The following ADD1 variants were observed in gnomAD, a reference collection of about 807,000 sequenced individuals.
ADD1 encodes adducin 1.
A neutral mutation model predicts 80.5 loss-of-function variants in ADD1; 24 were observed. The ratio of observed to expected loss-of-function variants is 0.30; its 90% CI spans 0.22 to 0.42. The LOEUF (loss-of-function observed/expected upper bound fraction) is 0.42. Ranked by LOEUF, ADD1 falls within the 10% of genes least tolerant of loss-of-function variation. ADD1 has a pLI of 1.00. For synonymous variants in ADD1, 373 were observed against 393.8 expected (o/e 0.95, Z 0.63); for missense variants, 948 against 1,019.0 (o/e 0.93, Z 0.95).
intron 1 of ADD1, among the ~76,000 whole-genome samples, chr4:2,869,392 T>C (rs1455518671): frequency 6.6e-6 from 1 of 152,208 alleles, no homozygotes; most frequent in Non-Finnish European, 1.5e-5. Flanking sequence ...TAGTTCTCCC[T>C]GTGCGTGTCT....
chr4:2,893,877 G>A (rs765704681), intron 4 of ADD1, 136 bp from the exon 5 acceptor site: 18 of 709,878 alleles, frequency 2.5e-5, no homozygotes, highest in African/African-American at 5.3e-5. Flanking sequence ...CCTTGGCTTC[G>A]TGACAGGCAT....
Position 2,928,716 on chromosome 4 carries a change from C to T in ADD1, c.*193C>T. On this transcript the variant is annotated 3_prime_UTR_variant, in exon 16 of 16. Coordinates refer to ENST00000683351, the MANE Select transcript of ADD1 (RefSeq NM_001354761.2). Reference sequence around the variant, plus strand: ...TGCTCAGCAGCCCCACCCCACCCTGCCCCTTGTCCTCTCAGAGCCTCAGCT... The same window carrying T: ...TGCTCAGCAGCCCCACCCCACCCTGTCCCTTGTCCTCTCAGAGCCTCAGCT... The T allele has an allele frequency of 1.7e-6, 1 of 573,394 alleles. No homozygotes were observed. The highest frequency in any genetic ancestry group is 2.4e-5 in the South Asian group (1 of 41,074). 35.5% of individuals were successfully genotyped at this position (573,394 alleles called of 1,614,324 possible). A position where few individuals can be genotyped will look rare whatever the true frequency, so the allele number is the denominator to read the frequency against.
intron 10 of ADD1, among the ~76,000 whole-genome samples, chr4:2,906,999 G>T (rs35445752): frequency 0.019 from 2,898 of 152,042 alleles, 59 homozygotes; most frequent in African/African-American, 0.046. Context: ...TTTGATTGGA[G>T]ATCCAAAAAA....
intron 1 of ADD1, among the ~76,000 whole-genome samples, chr4:2,862,381 A>G (rs919735804): frequency 6.6e-6 from 1 of 152,256 alleles, no homozygotes; most frequent in African/African-American, 2.4e-5. Flanking sequence ...AAAATTAAAC[A>G]GGATGCTCTT....
chr4:2,864,134 CG>C (rs1729200627), intron 1 of ADD1, among the ~76,000 whole-genome samples: 1 of 152,136 alleles, frequency 6.6e-6, no homozygotes, highest in African/African-American at 2.4e-5. Flanking sequence ...AATTTATGGC[CG>C]GGCGTGGTGG....
chr4:2,886,377 A>G (rs1485242542), intron 4 of ADD1, among the ~76,000 whole-genome samples: 1 of 152,238 alleles, frequency 6.6e-6, no homozygotes, highest in Non-Finnish European at 1.5e-5. Flanking sequence ...GGTCTCTGCC[A>G]GAGAGACTGA....
chr4:2,896,113 G>T (rs190924723), intron 6 of ADD1, among the ~76,000 whole-genome samples: 3 of 151,868 alleles, frequency 2.0e-5, no homozygotes, highest in South Asian at 2.1e-4. Flanking sequence ...GGTCTTGATC[G>T]CCTGACCTCG....
In ADD1 at chr4:2,909,408, G is replaced by T. The variant is rs776940725; in HGVS notation, c.1768G>T (p.Ala590Ser). The stretch of plus-strand genomic sequence containing the variant: ...GCTTACAGAGCAGACCTTTAGTCCC[G>T]CTAAATCTCTCTCTTTTAGAAAGGT... ...LELTEQTFSP[A>S]KSLSFRKGEL... The change falls in exon 13 of 16, where the codon GCT (alanine) becomes TCT (serine). Residue 590 changes from alanine to serine, a missense_variant. By Grantham distance (99) the Ala-to-Ser change is moderately conservative (BLOSUM62 1). Coordinates refer to ENST00000683351, the MANE Select transcript of ADD1 (RefSeq NM_001354761.2). 2.6e-6 allele frequency: 4 copies of T among 1,550,204 alleles called. No homozygotes were observed. In the South Asian group the frequency reaches 3.6e-5, roughly 14 times the overall value.
rs778955956 is a variant in ADD1, at chr4:2,871,094, G to A, written c.-20-4802G>A. Reference sequence around the variant, plus strand: ...TGCCATTCTCCTGTCTCAGCCTCCCGAGTAGCTGGGACTACAGGTGCGCGC... The same window carrying A: ...TGCCATTCTCCTGTCTCAGCCTCCCAAGTAGCTGGGACTACAGGTGCGCGC... On this transcript the variant is annotated intron_variant, in intron 1 of 15. Coordinates refer to ENST00000683351, the MANE Select transcript of ADD1 (RefSeq NM_001354761.2). 7.3e-5 allele frequency among the ~76,000 whole-genome samples: 11 copies of A among 151,230 alleles called. No homozygotes were observed. The East Asian group carries it at 1.2e-3, about 16-fold the overall frequency.
chr4:2,851,050 C>T (rs1165098365), intron 1 of ADD1, among the ~76,000 whole-genome samples: 2 of 152,176 alleles, frequency 1.3e-5, no homozygotes, highest in Admixed American at 6.5e-5. Flanking sequence ...TACACTAAAA[C>T]TCTGTATACT....
chr4:2,851,605 T>C (rs1461688987), intron 1 of ADD1, among the ~76,000 whole-genome samples: 2 of 152,238 alleles, frequency 1.3e-5, no homozygotes, highest in Non-Finnish European at 2.9e-5. Context: ...TAAACCATGC[T>C]TTCTAAGATT....
chr4:2,875,799 C>A, intron 1 of ADD1, 97 bp from the exon 2 acceptor site: 1 of 1,006,864 alleles, frequency 9.9e-7, no homozygotes, highest in Non-Finnish European at 1.4e-6. Flanking sequence ...TTACATCCTC[C>A]TGTTGAAGAT....
chr4:2,911,761 C>G (rs977788732), intron 13 of ADD1, among the ~76,000 whole-genome samples: 7 of 152,084 alleles, frequency 4.6e-5, no homozygotes, highest in African/African-American at 1.7e-4. Flanking sequence ...CTGGCATAAC[C>G]TGAAATAATT....
chr4:2,863,026 C>G (rs1284055276), intron 1 of ADD1, among the ~76,000 whole-genome samples: 1 of 151,984 alleles, frequency 6.6e-6, no homozygotes, highest in Non-Finnish European at 1.5e-5. Context: ...AGTGTGGCTT[C>G]TCCCCTCTAC....
chr4:2,925,266 G>A (rs1005294514), intron 14 of ADD1, among the ~76,000 whole-genome samples: 29 of 152,168 alleles, frequency 1.9e-4, no homozygotes, highest in Admixed American at 1.8e-3. Flanking sequence ...TTGGGGAGGC[G>A]AGCCAGCTGT....
intron 1 of ADD1, among the ~76,000 whole-genome samples, chr4:2,863,642 C>A (rs1350940296): frequency 6.6e-6 from 1 of 152,162 alleles, no homozygotes. Context: ...TGCTGTCTGC[C>A]AAACACTCTA....
At chr4:2,914,220 C>T (rs914408980) in intron 13 of ADD1, among the ~76,000 whole-genome samples, 2 of 152,234 alleles carry the variant, frequency 1.3e-5, no homozygotes, top group Non-Finnish European at 2.9e-5. Context: ...GGCCTGCAGG[C>T]TCCACCTCCT....
chr4:2,885,837 C>T (rs1160460522), intron 4 of ADD1, among the ~76,000 whole-genome samples: 3 of 152,098 alleles, frequency 2.0e-5, no homozygotes, highest in Non-Finnish European at 4.4e-5. Context: ...GTCTCGATCT[C>T]CTGACCTTGT....
intron 1 of ADD1, among the ~76,000 whole-genome samples, chr4:2,869,185 A>G (rs1253596115): frequency 1.3e-5 from 2 of 152,190 alleles, no homozygotes; most frequent in Non-Finnish European, 2.9e-5. Context: ...AAAGTGCCAC[A>G]GACCAGGGGC....
Sources: allele counts gnomAD v4.1 joint callset (sites outside exome capture counted in the v4.1 genomes callset), GRCh38; gene constraint gnomAD v4.1.1; transcripts MANE v1.5; gene names NCBI Gene and HGNC (gene_info 2026-07-23, HGNC 2026-07-21).